The following FRMPD4 variants were observed in gnomAD, a reference collection of about 807,000 sequenced individuals.
FRMPD4 encodes the protein FERM and PDZ domain-containing protein 4.
A neutral mutation model predicts 94.1 loss-of-function variants in FRMPD4; 22 were observed. The ratio of observed to expected loss-of-function variants is 0.23; its 90% confidence interval spans 0.17 to 0.33. FRMPD4 has a LOEUF of 0.33. Among genes scored for constraint, FRMPD4 ranks in the 10% least tolerant of loss-of-function variants. The pLI is 1.00. For missense variants in FRMPD4, 1,111 were observed against 1,339.9 expected, an observed-to-expected ratio of 0.83 and a Z score of 2.67; for synonymous variants, 631 against 548.6, an observed-to-expected ratio of 1.15 and a Z score of -2.10.
intron 1 of FRMPD4, among the ~76,000 whole-genome samples, chrX:12,166,349 G>A (rs1267788049): frequency 9.0e-6 from 1 of 111,718 alleles, no homozygotes; most frequent in Non-Finnish European, 1.9e-5. Flanking sequence ...ATGCTGGATT[G>A]TGTTTATTGA....
At chrX:12,678,902 C>G (rs1203540910) in intron 5 of FRMPD4, among the ~76,000 whole-genome samples, 1 of 112,703 alleles carries the variant, frequency 8.9e-6, no homozygotes, top group Non-Finnish European at 1.9e-5. Context: ...GTCATTCTCT[C>G]AGTTCTGGTG....
At chrX:11,859,216 A>G (rs2053671395) in intron 1 of FRMPD4, among the ~76,000 whole-genome samples, 1 of 111,947 alleles carries the variant, frequency 8.9e-6, no homozygotes, top group Non-Finnish European at 1.9e-5. Context: ...ACACTTGCAG[A>G]GAAGGACAAA....
chrX:11,855,132 C>T (rs779563482), intron 1 of FRMPD4, among the ~76,000 whole-genome samples: 2 of 112,857 alleles, frequency 1.8e-5, no homozygotes, highest in African/African-American at 3.2e-5. Flanking sequence ...GTGCTTGCAC[C>T]TTCTGAAGTA....
At chrX:11,887,532 C>T in intron 3 of FRMPD4, among the ~76,000 whole-genome samples, 1 of 112,422 alleles carries the variant, frequency 8.9e-6, no homozygotes. Flanking sequence ...CTGCCTATTG[C>T]ACCCTTGCAA....
At chrX:12,446,078 G>A (rs1478103515) in intron 1 of FRMPD4, among the ~76,000 whole-genome samples, 1 of 112,045 alleles carries the variant, frequency 8.9e-6, no homozygotes, top group Non-Finnish European at 1.9e-5. Flanking sequence ...GCAAGAGAGA[G>A]AGAAATTGTA....
At chrX:11,994,264 T>C (rs1465747659) in intron 3 of FRMPD4, among the ~76,000 whole-genome samples, 1 of 111,230 alleles carries the variant, frequency 9.0e-6, no homozygotes, top group Non-Finnish European at 1.9e-5. Flanking sequence ...TCAAAAGCCC[T>C]GGCACAGATA....
intron 1 of FRMPD4, among the ~76,000 whole-genome samples, chrX:12,236,691 A>G (rs368608512): frequency 1.9e-4 from 21 of 112,006 alleles, no homozygotes; most frequent in Admixed American, 1.6e-3. Context: ...ATAAAACAAG[A>G]TAGGTATAAA....
intron 1 of FRMPD4, among the ~76,000 whole-genome samples, chrX:12,468,027 A>G (rs1171759861): frequency 8.9e-6 from 1 of 112,464 alleles, no homozygotes; most frequent in East Asian, 2.8e-4. Flanking sequence ...ATAGAGTAAC[A>G]AATGACAATC....
intron 1 of FRMPD4, among the ~76,000 whole-genome samples, chrX:12,195,448 C>T (rs868270546): frequency 8.9e-6 from 1 of 112,070 alleles, no homozygotes; most frequent in Non-Finnish European, 1.9e-5. Context: ...ACAGGCTTGC[C>T]GTGTTTGTCC....
rs1435587684 is a variant in FRMPD4 at position 12,341,750 on chromosome X, A to G, written c.42-156930A>G. Reference sequence around the variant, plus strand: ...TGTTATGACTCTTCCACAAATTTCTATATTATTTTATGTCTCCCAACAAAA... The same window carrying G: ...TGTTATGACTCTTCCACAAATTTCTGTATTATTTTATGTCTCCCAACAAAA... On this transcript the variant is annotated intron_variant, in intron 1 of 16. Transcript: ENST00000675598. 15 of 235,609 alleles carry G rather than the reference A, an allele frequency of 6.4e-5. No homozygotes were observed. The South Asian group carries it at 6.6e-4, about 10-fold the overall frequency. 19.4% of individuals were successfully genotyped at this position (235,609 alleles called of 1,213,427 possible).
intron 1 of FRMPD4, among the ~76,000 whole-genome samples, chrX:12,480,333 G>GAAAAAAA (rs35074731): frequency 2.3e-3 from 126 of 54,532 alleles, no homozygotes; most frequent in Non-Finnish European, 2.9e-3. Context: ...GAAAAGAAAT[G>GAAAAAAA]AAAAAAAAAA....
intron 1 of FRMPD4, among the ~76,000 whole-genome samples, chrX:12,466,508 T>C (rs956060395): frequency 1.8e-5 from 2 of 112,611 alleles, no homozygotes; most frequent in East Asian, 2.8e-4. Context: ...GTTTTCTTTT[T>C]GATTTCTGTC....
intron 1 of FRMPD4, among the ~76,000 whole-genome samples, chrX:12,229,178 T>A (rs2056956617): frequency 8.9e-6 from 1 of 111,847 alleles, no homozygotes; most frequent in South Asian, 3.7e-4. Flanking sequence ...AATTTCACAG[T>A]GGCTAAAATT....
At chrX:11,847,695 T>A (rs186070228) in intron 1 of FRMPD4, among the ~76,000 whole-genome samples, 1 of 110,370 alleles carries the variant, frequency 9.1e-6, no homozygotes, top group Non-Finnish European at 1.9e-5. Context: ...TGGAATACTA[T>A]GTAGCCATAA....
At chrX:12,110,450 C>T (rs1050934196) in intron 3 of FRMPD4, among the ~76,000 whole-genome samples, 2 of 111,856 alleles carry the variant, frequency 1.8e-5, no homozygotes, top group Non-Finnish European at 3.8e-5. Flanking sequence ...ATGACAAACT[C>T]ACAGTCAATA....
At chrX:12,368,525 ATT>A (rs1264966473) in intron 1 of FRMPD4, among the ~76,000 whole-genome samples, 11 of 102,211 alleles carry the variant, frequency 1.1e-4, no homozygotes, top group African/African-American at 2.8e-4. Context: ...GCTCTGTGCT[ATT>A]TTTTTTTTTT....
chrX:12,469,907 C>G (rs778572850), intron 1 of FRMPD4, among the ~76,000 whole-genome samples: 1 of 112,406 alleles, frequency 8.9e-6, no homozygotes, highest in South Asian at 3.7e-4. Flanking sequence ...AGCTGACATA[C>G]AGCAATGAGG....
chrX:12,489,591 C>T (rs1024741373), intron 1 of FRMPD4, among the ~76,000 whole-genome samples: 1 of 112,280 alleles, frequency 8.9e-6, no homozygotes, highest in Non-Finnish European at 1.9e-5. Flanking sequence ...TTCAACAATG[C>T]TGTGTTTCAT....
intron 1 of FRMPD4, among the ~76,000 whole-genome samples, chrX:11,864,982 ATT>A (rs2053709978): frequency 8.9e-6 from 1 of 111,909 alleles, no homozygotes; most frequent in Admixed American, 9.5e-5. Flanking sequence ...TTCCAGGAAA[ATT>A]TTTGCATTGA....
Sources: gnomAD v4.1 joint callset for allele counts (sites outside exome capture counted in the v4.1 genomes callset) on GRCh38, gnomAD v4.1.1 for gene constraint, MANE v1.5 for transcripts, NCBI Gene and HGNC (gene_info 2026-07-23, HGNC 2026-07-21) for gene names.